HRH2: variants seen among roughly 807,000 people sequenced by gnomAD.
The protein encoded by HRH2 is histamine H2 receptor.
In HRH2, 4 loss-of-function variants were observed where a neutral mutation model predicts 20.1. The observed-to-expected ratio is 0.20, with a 90% CI of 0.10 to 0.45. The LOEUF (loss-of-function observed/expected upper bound fraction) is 0.45. Among genes scored for constraint, HRH2 ranks in the 20% least tolerant of loss-of-function variants. HRH2 has a pLI of 0.99. For missense variants in HRH2, 250 were observed against 461.6 expected (o/e 0.54, Z 4.20); for synonymous variants, 197 against 200.7 (o/e 0.98, Z 0.16).
chr5:175,701,156 C>T (rs913115072), intron 2 of HRH2, among the ~76,000 whole-genome samples: 3 of 152,098 alleles, frequency 2.0e-5, no homozygotes, highest in African/African-American at 4.8e-5. Flanking sequence ...ATGAGGAAAC[C>T]GAGGCTCAGA....
intron 2 of HRH2, among the ~76,000 whole-genome samples, chr5:175,689,228 C>T (rs1011312889): frequency 6.6e-6 from 1 of 152,242 alleles, no homozygotes; most frequent in African/African-American, 2.4e-5. Flanking sequence ...TCTCCAAGGC[C>T]CTGCCCTGCC....
At chr5:175,662,997 C>T (rs1040857068) in intron 1 of HRH2, among the ~76,000 whole-genome samples, 2 of 152,216 alleles carry the variant, frequency 1.3e-5, no homozygotes, top group African/African-American at 4.8e-5. Flanking sequence ...CATGTATCAG[C>T]GCTTCATGCC....
chr5:175,669,125 C>T (rs903112047), intron 1 of HRH2, among the ~76,000 whole-genome samples: 8 of 151,454 alleles, frequency 5.3e-5, no homozygotes, highest in African/African-American at 1.7e-4. Flanking sequence ...GATTACAGGC[C>T]TGAGCCACAG....
At position 175,683,112 on chromosome 5, in the gene HRH2, A is replaced by G. The variant is rs1186877222; in HGVS notation, c.-122A>G. On this transcript the variant is annotated 5_prime_UTR_variant, in exon 2 of 3. Coordinates refer to ENST00000636584, the MANE Select transcript of HRH2 (RefSeq NM_001367711.1). The stretch of plus-strand genomic sequence containing the variant: ...TGGCCAAAAAAAAAAAAAAAAAAAA[A>G]CTGGACACATTTTGGATCTGTTGGG... 8.3e-7 allele frequency: 1 copy of G among 1,207,488 alleles called. No homozygotes were observed. The highest frequency in any genetic ancestry group is 1.6e-5 in the South Asian group (1 of 62,720). The allele number at this position is 1,207,488 out of a possible 1,614,324, so 74.8% of individuals were successfully genotyped here. A position where few individuals can be genotyped will look rare whatever the true frequency, so the allele number is the denominator to read the frequency against.
At chr5:175,678,764 C>A (rs1369989009) in intron 1 of HRH2, among the ~76,000 whole-genome samples, 1 of 152,244 alleles carries the variant, frequency 6.6e-6, no homozygotes, top group Non-Finnish European at 1.5e-5. Context: ...CCCAATCAAG[C>A]CTTAACTGAT....
intron 1 of HRH2, among the ~76,000 whole-genome samples, chr5:175,675,825 T>A (rs1330683992): frequency 1.3e-5 from 2 of 152,162 alleles, no homozygotes; most frequent in African/African-American, 4.8e-5. Flanking sequence ...GAGTAGGTGA[T>A]ACATACACAA....
chr5:175,683,179 C>G lies in HRH2; in HGVS notation c.-55C>G, dbSNP rs1470180048. On this transcript the variant is annotated 5_prime_UTR_variant, in exon 2 of 3. Transcript: ENST00000636584. ...GTTGGCATAGTTGTCACATTGGGAGCAGAGAAGAAGCAACCAGGGGCCCTG... is the reference window on the plus strand; with the variant it reads ...GTTGGCATAGTTGTCACATTGGGAGGAGAGAAGAAGCAACCAGGGGCCCTG... The G allele has an allele frequency of 1.3e-6, 2 of 1,565,436 alleles. No homozygotes were observed. Among genetic ancestry groups the G allele is most frequent in the East Asian group, 4.5e-5 (2 of 44,146 alleles).
chr5:175,701,317 T>C (rs568421404), intron 2 of HRH2, among the ~76,000 whole-genome samples: 95 of 152,254 alleles, frequency 6.2e-4, no homozygotes, highest in Admixed American at 2.1e-3. Context: ...CTCTCTTAAC[T>C]GCAAGGAGCA....
chr5:175,684,467 C>A (rs182462510), intron 2 of HRH2, 158 bp downstream of exon 2: 2 of 573,830 alleles, frequency 3.5e-6, no homozygotes, highest in Non-Finnish European at 4.4e-6. Context: ...ATCCTCCCAA[C>A]GGCCCCCAAA....
chr5:175,687,829 C>T lies in HRH2; in HGVS notation c.1076+3520C>T, dbSNP rs929506135. On this transcript the variant is annotated intron_variant, in intron 2 of 2. Transcript: ENST00000636584. This position sits in a 1 kb window ranked among gnomAD's most constrained non-coding sequence, Gnocchi z 5.2. Reference sequence around the variant, plus strand: ...AGGACCCTCCTCTGCCTCCCACGGCCGCCTGCACATAGGTAGCCCTGTGTC... The same window carrying T: ...AGGACCCTCCTCTGCCTCCCACGGCTGCCTGCACATAGGTAGCCCTGTGTC... Among the ~76,000 whole-genome samples, 1 of 152,182 alleles carries T rather than the reference C, an allele frequency of 6.6e-6. No homozygotes were observed. The highest frequency in any genetic ancestry group is 1.5e-5 in the Non-Finnish European group (1 of 68,036).
intron 2 of HRH2, among the ~76,000 whole-genome samples, chr5:175,688,553 G>A (rs778013346): frequency 9.2e-5 from 14 of 152,240 alleles, no homozygotes; most frequent in Non-Finnish European, 1.3e-4. Flanking sequence ...GCGTTGTCAC[G>A]GCGTGGCCCC....
At chr5:175,706,961 C>T (rs919657633) in intron 2 of HRH2, among the ~76,000 whole-genome samples, 2 of 152,190 alleles carry the variant, frequency 1.3e-5, no homozygotes, top group African/African-American at 4.8e-5. Context: ...GATGGAGTAA[C>T]TCAGACTTCT....
Position 175,681,917 on chromosome 5 carries a change from C to T in HRH2, c.-525-792C>T, listed in dbSNP as rs1002070500. On this transcript the variant is annotated intron_variant, in intron 1 of 2. Coordinates refer to ENST00000636584, the MANE Select transcript of HRH2 (RefSeq NM_001367711.1). This position sits in a 1 kb window ranked among gnomAD's most constrained non-coding sequence, Gnocchi z 4.3. ...CAGGGGTGGCGTGGATGACAGGTGA[C>T]GAACTGCCGATTAAATCTGGCCCTC... 1.2e-4 allele frequency among the ~76,000 whole-genome samples: 18 copies of T among 152,150 alleles called. No individual in the cohort carries two copies. The highest frequency in any genetic ancestry group is 8.8e-5 in the Non-Finnish European group (6 of 68,028).
intron 2 of HRH2, among the ~76,000 whole-genome samples, chr5:175,690,380 C>T (rs1756326720): frequency 6.6e-6 from 1 of 152,146 alleles, no homozygotes; most frequent in Non-Finnish European, 1.5e-5. Context: ...CTGCAGCTTC[C>T]TTACTGTAAA....
At chr5:175,670,744 A>G (rs1012318944) in intron 1 of HRH2, among the ~76,000 whole-genome samples, 1 of 152,242 alleles carries the variant, frequency 6.6e-6, no homozygotes, top group Non-Finnish European at 1.5e-5. Context: ...TGGAGAGTCT[A>G]CATGATTAAT....
intron 2 of HRH2, among the ~76,000 whole-genome samples, chr5:175,707,386 C>A (rs943861810): frequency 6.6e-6 from 1 of 152,202 alleles, no homozygotes; most frequent in Non-Finnish European, 1.5e-5. Context: ...GCTATGATCA[C>A]GCCACTGCCC....
chr5:175,675,050 C>T (rs1423311723), intron 1 of HRH2, among the ~76,000 whole-genome samples: 1 of 152,216 alleles, frequency 6.6e-6, no homozygotes, highest in East Asian at 1.9e-4. Flanking sequence ...TGACAGACCT[C>T]GGTTCAAATC....
chr5:175,701,025 T>TGGTTC (rs1459576420), intron 2 of HRH2, among the ~76,000 whole-genome samples: 2 of 152,184 alleles, frequency 1.3e-5, no homozygotes, highest in East Asian at 3.9e-4. Flanking sequence ...ATACAGATGG[T>TGGTTC]GGTTCTGTCT....
At chr5:175,695,481 G>T (rs566458756) in intron 2 of HRH2, among the ~76,000 whole-genome samples, 32 of 152,262 alleles carry the variant, frequency 2.1e-4, no homozygotes, top group Admixed American at 1.4e-3. Context: ...TCTGGCTGTT[G>T]TCTCCTCTTC....
Sources: allele counts gnomAD v4.1 joint callset (sites outside exome capture counted in the v4.1 genomes callset), GRCh38; gene constraint gnomAD v4.1.1; non-coding constraint Gnocchi (gnomAD v3.1); transcripts MANE v1.5; gene names NCBI Gene and HGNC (gene_info 2026-07-23, HGNC 2026-07-21).